ELOA: variants seen among roughly 807,000 people sequenced by gnomAD.
The protein encoded by ELOA is elongin-A.
Under a neutral mutation model 85.2 loss-of-function variants are expected in ELOA, and 15 were observed. The ratio of observed to expected loss-of-function variants is 0.18; its 90% CI spans 0.12 to 0.27. The LOEUF is 0.27. Among genes scored for constraint, ELOA ranks in the 10% least tolerant of loss-of-function variants. The pLI, the probability that ELOA is intolerant of heterozygous loss-of-function variation, is 1.00. For synonymous variants in ELOA, 348 were observed against 357.2 expected (o/e 0.97, Z 0.29); for missense variants, 769 against 952.7 (o/e 0.81, Z 2.54).
chr1:23,750,198 CAG>C (rs1403728111), intron 3 of ELOA, among the ~76,000 whole-genome samples: 1 of 83,972 alleles, frequency 1.2e-5, no homozygotes, highest in Non-Finnish European at 2.2e-5. Context: ...TTTTTTGAGA[CAG>C]AGTCTCGCTC....
At chr1:23,759,180 T>C (rs991962298) in intron 10 of ELOA, among the ~76,000 whole-genome samples, 1 of 152,212 alleles carries the variant, frequency 6.6e-6, no homozygotes, top group Non-Finnish European at 1.5e-5. Flanking sequence ...TGAGACTCTT[T>C]CCTTACAAAA....
rs1449914568 is a variant in ELOA, at chr1:23,755,936, A to C, written c.1885A>C (p.Met629Leu). Residue 629 changes from methionine (M) to leucine (L), a missense_variant, in exon 8 of 11, where the codon ATG (methionine) becomes CTG (leucine). Coordinates refer to ENST00000613537, the MANE Select transcript of ELOA (RefSeq NM_003198.3). ...RPEEYESWRE[M>L]YLRLQDAREQ... ...CGAAGAGTATGAGTCGTGGCGAGAG[A>C]TGTACCTGCGGCTTCAGGACGCCCG... 1 of 1,613,902 alleles carries C rather than the reference A, an allele frequency of 6.2e-7. No homozygotes were observed. Among genetic ancestry groups the C allele is most frequent in the South Asian group, 1.1e-5 (1 of 91,066 alleles).
intron 3 of ELOA, among the ~76,000 whole-genome samples, chr1:23,750,514 A>G (rs1241288183): frequency 6.6e-6 from 1 of 152,036 alleles, no homozygotes; most frequent in Admixed American, 6.6e-5. Flanking sequence ...CTTAAATGGC[A>G]TTTTTTTAAG....
At position 23,743,509 on chromosome 1, in the gene ELOA, G is replaced by C; in HGVS notation, c.6G>C (p.Ala2=). The C allele has an allele frequency of 4.0e-6, 6 of 1,504,922 alleles. 1 individual carries two copies. The highest frequency in any genetic ancestry group is 5.3e-6 in the Non-Finnish European group (6 of 1,132,234). The allele number at this position is 1,504,922 out of a possible 1,614,324, so 93.2% of individuals were successfully genotyped here. Residue 2 remains alanine, a synonymous_variant, in exon 1 of 11, where the codon GCG becomes GCC. Coordinates refer to ENST00000613537, the MANE Select transcript of ELOA (RefSeq NM_003198.3). M[A]AESALQVVEK... ...AGGCCGCGCCAGTGACAGCGATGGC[G>C]GCGGAGTCGGCGCTCCAAGTTGTGG... is the stretch of plus-strand genomic sequence containing the variant.
intron 4 of ELOA, 147 bp from the exon 5 acceptor site, chr1:23,752,260 T>C: frequency 2.5e-6 from 2 of 811,882 alleles, no homozygotes; most frequent in Non-Finnish European, 3.9e-6. Flanking sequence ...ATTTCCTGAC[T>C]GAGGTGGTGT....
In ELOA at chr1:23,751,019, G is replaced by A. The variant is rs1414926344; in HGVS notation, c.414G>A (p.Glu138=). The A allele has an allele frequency of 1.2e-6, 2 of 1,614,102 alleles. No homozygotes were observed. The highest frequency in any genetic ancestry group is 2.2e-5 in the East Asian group (1 of 44,886). Residue 138 remains glutamate, a synonymous_variant, in exon 4 of 11, where the codon GAG becomes GAA. Transcript: ENST00000613537. ...HRQKKHRKLS[E]LERPHKVSHG... ...AGAAGAAACATAGGAAACTCTCGGA[G>A]CTCGAGAGACCTCACAAAGTGTCTC...
intron 1 of ELOA, 106 bp downstream of exon 1, chr1:23,743,684 AG>A: frequency 7.8e-7 from 1 of 1,286,342 alleles, no homozygotes; most frequent in Non-Finnish European, 1.0e-6. Flanking sequence ...ACCCTGAGCC[AG>A]GCCCCGCGGG....
chr1:23,760,699 G>A lies in ELOA; in HGVS notation c.*1126G>A, dbSNP rs1638281469. 1 of 152,240 alleles carries A rather than the reference G, an allele frequency of 6.6e-6. No homozygotes were observed. The highest frequency in any genetic ancestry group is 1.5e-5 in the Non-Finnish European group (1 of 68,076). The allele number at this position is 152,240 out of a possible 1,614,324, so 9.4% of individuals were successfully genotyped here. A position where few individuals can be genotyped will look rare whatever the true frequency, so the allele number is the denominator to read the frequency against. ...TTGGGAAGAGGACTTTGCTGCTGAA[G>A]TGTTTTCTACCTTCTGAGTGTGTTT... is the stretch of plus-strand genomic sequence containing the variant. On this transcript the variant is annotated 3_prime_UTR_variant, in exon 11 of 11. Coordinates refer to ENST00000613537, the MANE Select transcript of ELOA (RefSeq NM_003198.3).
chr1:23,746,566 C>A (rs1644748011), intron 1 of ELOA, among the ~76,000 whole-genome samples: 1 of 140,074 alleles, frequency 7.1e-6, no homozygotes, highest in African/African-American at 2.7e-5. Context: ...GAGATGGCAC[C>A]ATTGCACTCC....
intron 1 of ELOA, among the ~76,000 whole-genome samples, chr1:23,746,387 C>T (rs1159471781): frequency 6.6e-6 from 1 of 151,150 alleles, no homozygotes; most frequent in Admixed American, 6.6e-5. Flanking sequence ...AGGGGCGGAT[C>T]ATCTGAGGTC....
At chr1:23,757,586 C>T (rs1644800535) in intron 10 of ELOA, among the ~76,000 whole-genome samples, 1 of 152,134 alleles carries the variant, frequency 6.6e-6, no homozygotes, top group South Asian at 2.1e-4. Context: ...GCAAGCTCTG[C>T]CTTCCAGGTT....
chr1:23,750,076 T>A, intron 3 of ELOA, 128 bp downstream of exon 3: 1 of 668,726 alleles, frequency 1.5e-6, no homozygotes, highest in East Asian at 3.0e-5. Flanking sequence ...TAATCCATGA[T>A]CATTGTAGAA....
intron 4 of ELOA, 84 bp downstream of exon 4, chr1:23,752,114 C>A (rs985722487): frequency 7.3e-7 from 1 of 1,367,770 alleles, no homozygotes. Context: ...CACTGTTTTC[C>A]TTAGCTTGCT....
At chr1:23,748,056 T>C (rs528449377) in intron 1 of ELOA, among the ~76,000 whole-genome samples, 2 of 152,310 alleles carry the variant, frequency 1.3e-5, no homozygotes, top group Admixed American at 1.3e-4. Flanking sequence ...TCATAACTTT[T>C]GTTAGAGCAA....
At position 23,757,095 on chromosome 1, in the gene ELOA, T is replaced by C. The variant is rs201983548; in HGVS notation, c.2227T>C (p.Ser743Pro). 3.2e-6 allele frequency: 5 copies of C among 1,584,284 alleles called. No individual in the cohort carries two copies. The highest frequency in any genetic ancestry group is 4.3e-6 in the Non-Finnish European group (5 of 1,170,664). ...HLAPVVSSTV[S>P]YDPRKPTVKK... is the part of the protein sequence containing the mutation. Reference sequence around the variant, plus strand: ...GGCACCAGTGGTCAGCAGCACTGTTTCCTATGATCCTAGGAAACCCACTGT... The same window carrying C: ...GGCACCAGTGGTCAGCAGCACTGTTCCCTATGATCCTAGGAAACCCACTGT... The change falls in exon 10 of 11, where the codon TCC becomes CCC. Residue 743 changes from serine (S) to proline (P), a missense_variant. Around this residue, in one of 4 missense-constraint regions of ELOA, gnomAD observed 116 missense variants for 141.0 expected, o/e 0.82. Coordinates refer to ENST00000613537, the MANE Select transcript of ELOA (RefSeq NM_003198.3).
In ELOA at chr1:23,760,686, CTT is replaced by C. The variant is rs1439685454; in HGVS notation, c.*1115_*1116del. 6.6e-6 allele frequency: 1 copy of C among 152,194 alleles called. No homozygotes were observed. Among genetic ancestry groups the C allele is most frequent in the Non-Finnish European group, 1.5e-5 (1 of 68,072 alleles). The allele number at this position is 152,194 out of a possible 1,614,324, so 9.4% of individuals were successfully genotyped here. Reference sequence around the variant, plus strand: ...CACAACTGTTGGCTTGGGAAGAGGACTTTGCTGCTGAAGTGTTTTCTACCTTC... The same window carrying C: ...CACAACTGTTGGCTTGGGAAGAGGACTGCTGCTGAAGTGTTTTCTACCTTC... On this transcript the variant is annotated 3_prime_UTR_variant, in exon 11 of 11. Transcript: ENST00000613537.
chr1:23,744,743 C>T (rs1039483436), intron 1 of ELOA, among the ~76,000 whole-genome samples: 5 of 152,168 alleles, frequency 3.3e-5, no homozygotes, highest in African/African-American at 9.7e-5. Context: ...TGGCATTCTC[C>T]GTCATCATTC....
rs1644732613 is a variant in ELOA at position 23,743,569 on chromosome 1, C to T, written c.66C>T (p.Asp22=). Residue 22 remains aspartate, a synonymous_variant, in exon 1 of 11, where the codon GAC becomes GAT. Coordinates refer to ENST00000613537, the MANE Select transcript of ELOA (RefSeq NM_003198.3). ...KLQARLAANP[D]PKKLLKYLKK... is the part of the protein sequence containing the mutation. ...AGGCGCGCCTGGCCGCGAACCCGGA[C>T]CCTAAGAAGGTAAGCGAGGGGGCGG... The T allele has an allele frequency of 1.1e-5, 17 of 1,492,146 alleles. No individual in the cohort carries two copies. Among genetic ancestry groups the T allele is most frequent in the African/African-American group, 2.9e-5 (2 of 68,726 alleles). 92.4% of individuals were successfully genotyped at this position (1,492,146 alleles called of 1,614,324 possible).
At chr1:23,756,143 G>T (rs147839391) in intron 8 of ELOA, 120 bp downstream of exon 8, 2 of 1,441,574 alleles carry the variant, frequency 1.4e-6, no homozygotes, top group Non-Finnish European at 9.3e-7. Context: ...AGCAGGGTGG[G>T]TATTTCTTCT....
Sources: allele counts gnomAD v4.1 joint callset (sites outside exome capture counted in the v4.1 genomes callset), GRCh38; gene constraint gnomAD v4.1.1; regional missense constraint gnomAD v4.1.1; transcripts MANE v1.5; gene names NCBI Gene and HGNC (gene_info 2026-07-23, HGNC 2026-07-21).